The following GCDH variants were observed in gnomAD, a reference collection of about 807,000 sequenced individuals.
The protein encoded by GCDH is glutaryl-CoA dehydrogenase, also known as glutaryl-CoA dehydrogenase, mitochondrial.
GCDH carries 31 observed loss-of-function variants against 52.8 expected under a neutral mutation model. The ratio of observed to expected loss-of-function variants is 0.59; its 90% confidence interval spans 0.44 to 0.79. The LOEUF is 0.79. Among genes scored for constraint, GCDH ranks in the 30% least tolerant of loss-of-function variants. The pLI is 0.00. For synonymous variants in GCDH, 242 were observed against 250.0 expected, an observed-to-expected ratio of 0.97 and a Z score of 0.30; for missense variants, 509 against 595.0, an observed-to-expected ratio of 0.86 and a Z score of 1.50.
intron 11 of GCDH, 55 bp downstream of exon 11, chr19:12,897,918 A>G: frequency 6.7e-7 from 1 of 1,499,724 alleles, no homozygotes; most frequent in Non-Finnish European, 9.3e-7. Context: ...GGGAGGGGGT[A>G]CAGGGAGGTG....
intron 6 of GCDH, chr19:12,894,791 G>T: frequency 1.4e-6 from 1 of 723,466 alleles, no homozygotes; most frequent in South Asian, 2.2e-5. Context: ...AATGAAGGAG[G>T]CTAAGAAGCA....
At chr19:12,897,488 T>A in intron 10 of GCDH, 60 bp downstream of exon 10, 1 of 1,589,032 alleles carries the variant, frequency 6.3e-7, no homozygotes, top group Non-Finnish European at 8.6e-7. Context: ...CCTTGTGTCC[T>A]TCCTGGAGAG....
chr19:12,899,208 C>G, intron 11 of GCDH: 2 of 805,836 alleles, frequency 2.5e-6, no homozygotes, highest in Admixed American at 2.2e-5. Context: ...GCACAAGGAG[C>G]TTTGGGTTTT....
Position 12,896,723 on chromosome 19 carries a change from G to T in GCDH, c.853-187G>T, listed in dbSNP as rs1386374771. Among the ~76,000 whole-genome samples, 3 of 152,226 alleles carry T rather than the reference G, an allele frequency of 2.0e-5. No individual in the cohort carries two copies. The highest frequency in any genetic ancestry group is 7.2e-5 in the African/African-American group (3 of 41,460). The stretch of plus-strand genomic sequence containing the variant: ...CGAACCCAGATGCCAGGCTGGGTGG[G>T]ACTGTGTGCAAACCGAGTGAGCAGG... On this transcript the variant is annotated intron_variant, in intron 8 of 11. Coordinates refer to ENST00000222214, the MANE Select transcript of GCDH (RefSeq NM_000159.4). This position sits in a 1 kb window ranked among gnomAD's most constrained non-coding sequence, Gnocchi z 5.5.
rs116937158 is a variant in GCDH at position 12,897,624 on chromosome 19, C to T, written c.1083-79C>T. On this transcript the variant is annotated intron_variant, in intron 10 of 11. Transcript: ENST00000222214. ...GGGAGCTTGGCTGCATCAGGGAATC[C>T]CCACCCCGGGCTAGGTTTGCTTGGA... is the stretch of plus-strand genomic sequence containing the variant. 51 of 1,566,144 alleles carry T rather than the reference C, an allele frequency of 3.3e-5. No homozygotes were observed. The African/African-American group carries it at 6.3e-4, about 19-fold the overall frequency.
In GCDH at chr19:12,891,257, C is replaced by T. The variant is rs746412237; in HGVS notation, c.-34-14C>T. ...GGTGAGAGGAGCTCCGCTCTGACAC[C>T]CCCGCTCCTGTAGGTCGCCGTCGTT... On this transcript the variant is annotated splice_polypyrimidine_tract_variant and intron_variant, in intron 1 of 11. Transcript: ENST00000222214. 1 of 1,512,896 alleles carries T rather than the reference C, an allele frequency of 6.6e-7. No individual in the cohort carries two copies. 93.7% of individuals were successfully genotyped at this position (1,512,896 alleles called of 1,614,324 possible). A position where few individuals can be genotyped will look rare whatever the true frequency, so the allele number is the denominator to read the frequency against.
intron 3 of GCDH, 52 bp from the exon 4 acceptor site, chr19:12,891,779 G>A: frequency 2.5e-6 from 4 of 1,611,792 alleles, no homozygotes; most frequent in East Asian, 2.2e-5. Flanking sequence ...GGTCCGAGAA[G>A]GGAGGGCACA....
intron 6 of GCDH, chr19:12,894,012 G>A (rs1008453916): frequency 1.2e-5 from 7 of 586,946 alleles, no homozygotes; most frequent in Non-Finnish European, 2.1e-5. Flanking sequence ...ACCAGCCTGG[G>A]CAACGTAAGG....
intron 11 of GCDH, chr19:12,898,345 T>G: frequency 6.4e-6 from 1 of 156,266 alleles, no homozygotes; most frequent in Non-Finnish European, 1.4e-5. Flanking sequence ...GGAAGACAGA[T>G]GTGGAAAAAG....
At position 12,891,196 on chromosome 19, in the gene GCDH, C is replaced by T; in HGVS notation, c.-41C>T. 1 of 817,640 alleles carries T rather than the reference C, an allele frequency of 1.2e-6. No homozygotes were observed. Among genetic ancestry groups the T allele is most frequent in the Non-Finnish European group, 2.0e-6 (1 of 490,244 alleles). 50.6% of individuals were successfully genotyped at this position (817,640 alleles called of 1,614,324 possible). A position where few individuals can be genotyped will look rare whatever the true frequency, so the allele number is the denominator to read the frequency against. ...AGCCTCGGCAGTGAACCGGGAGGTA[C>T]TACCAGGTAAGGAAGGTGCGGTAGC... On this transcript the variant is annotated 5_prime_UTR_variant, in exon 1 of 12. Transcript: ENST00000222214.
At chr19:12,892,237 C>CTCCT (rs1970576294) in intron 5 of GCDH, 59 bp downstream of exon 5, 1 of 1,308,764 alleles carries the variant, frequency 7.6e-7, no homozygotes, top group South Asian at 1.2e-5. Context: ...AAGCCTCTTC[C>CTCCT]TCCTTCCCTC....
At chr19:12,893,676 T>G in intron 6 of GCDH, 23 bp downstream of exon 6, 1 of 1,603,398 alleles carries the variant, frequency 6.2e-7, no homozygotes, top group Non-Finnish European at 8.5e-7. Context: ...CCATGGGGCC[T>G]GGTGGAAGGA....
intron 11 of GCDH, chr19:12,898,936 G>A (rs576424604): frequency 2.9e-5 from 7 of 245,048 alleles, no homozygotes; most frequent in African/African-American, 1.3e-4. Context: ...GGCGGCTTCA[G>A]ATGGGCAGAG....
intron 1 of GCDH, 32 bp downstream of exon 1, chr19:12,891,234 T>G (rs1599606110): frequency 1.6e-6 from 2 of 1,288,850 alleles, no homozygotes; most frequent in Non-Finnish European, 2.2e-6. Flanking sequence ...CAGCCGTGGG[T>G]GAGAGGAGCT....
rs1299348900 is a variant in GCDH at position 12,893,632 on chromosome 19, C to G, written c.484C>G (p.Gln162Glu). ...IYAYGSEEQRQKYLPQLAKGE... is the reference protein window; with the variant it reads ...IYAYGSEEQREKYLPQLAKGE... ...TGCCTATGGCAGCGAGGAACAGCGG[C>G]AGAAGTACCTGCCCCAGCTGGGTGA... Residue 162 changes from glutamine to glutamate, a missense_variant, in exon 6 of 12, where the codon CAG becomes GAG. By Grantham distance (29) the Gln-to-Glu change is conservative (BLOSUM62 2). Transcript: ENST00000222214. 7 of 1,613,928 alleles carry G rather than the reference C, an allele frequency of 4.3e-6. No individual in the cohort carries two copies. Among genetic ancestry groups the G allele is most frequent in the East Asian group, 2.2e-5 (1 of 44,884 alleles).
chr19:12,892,343 G>T (rs1970579836), intron 5 of GCDH, 165 bp downstream of exon 5: 2 of 704,136 alleles, frequency 2.8e-6, no homozygotes, highest in Non-Finnish European at 4.9e-6. Flanking sequence ...CCAGGCTGGA[G>T]TGCAGTGGCA....
chr19:12,894,473 T>TAAAAAAAAAA, intron 6 of GCDH: 1 of 719,632 alleles, frequency 1.4e-6, no homozygotes, highest in Non-Finnish European at 2.6e-6. Context: ...TTGGTTATTG[T>TAAAAAAAAAA]AAAAAAAAGG....
chr19:12,896,106 A>G lies in GCDH; in HGVS notation c.620A>G (p.Asn207Ser), dbSNP rs779177489. The G allele has an allele frequency of 2.5e-6, 4 of 1,613,904 alleles. No individual in the cohort carries two copies. The highest frequency in any genetic ancestry group is 1.7e-5 in the Admixed American group (1 of 59,966). Residue 207 changes from asparagine to serine, a missense_variant, in exon 7 of 12, where the codon AAT (asparagine) becomes AGT (serine). By Grantham distance (46) the Asn-to-Ser change is conservative (BLOSUM62 1). Transcript: ENST00000222214. This position sits in a 1 kb window ranked among gnomAD's most constrained non-coding sequence, Gnocchi z 5.5. Reference sequence around the variant, plus strand: ...TCATCCAACAAGAGCTACACCCTCAATGGGACCAAGACCTGGTAAGGGTTC... The same window carrying G: ...TCATCCAACAAGAGCTACACCCTCAGTGGGACCAAGACCTGGTAAGGGTTC... ...YNSSNKSYTLNGTKTWITNSP... is the reference protein window; with the variant it reads ...YNSSNKSYTLSGTKTWITNSP...
chr19:12,899,610 C>A lies in GCDH; in HGVS notation c.*69C>A. 1 of 1,613,398 alleles carries A rather than the reference C, an allele frequency of 6.2e-7. No homozygotes were observed. Among genetic ancestry groups the A allele is most frequent in the South Asian group, 1.1e-5 (1 of 90,958 alleles). ...GAGATGCCTGGCTGGACCGTAGGAG[C>A]GCTGTGCTCTGAGCTTAGAAAGGGA... On this transcript the variant is annotated 3_prime_UTR_variant, in exon 12 of 12. Coordinates refer to ENST00000222214, the MANE Select transcript of GCDH (RefSeq NM_000159.4).
Sources: allele counts gnomAD v4.1 joint callset (sites outside exome capture counted in the v4.1 genomes callset), GRCh38; gene constraint gnomAD v4.1.1; non-coding constraint Gnocchi (gnomAD v3.1); transcripts MANE v1.5; gene names NCBI Gene and HGNC (gene_info 2026-07-23, HGNC 2026-07-21).